TMEM187: variants seen among roughly 807,000 people sequenced by gnomAD.
The protein encoded by TMEM187 is chromosome X open reading frame 12.
Under a neutral mutation model 11.8 loss-of-function variants are expected in TMEM187, and 14 were observed. The observed-to-expected ratio is 1.18, with a 90% confidence interval of 0.78 to 1.85. The LOEUF (loss-of-function observed/expected upper bound fraction) is 1.85, where lower values mean the gene tolerates loss of function less well. Among genes scored for constraint, TMEM187 ranks in the 40% most tolerant of loss-of-function variants. The pLI is 0.00. For synonymous variants in TMEM187, 112 were observed against 118.5 expected (o/e 0.95, Z 0.36); for missense variants, 227 against 243.9 (o/e 0.93, Z 0.46).
intron 1 of TMEM187, among the ~76,000 whole-genome samples, chrX:153,978,594 TG>T (rs1360732828): frequency 6.2e-5 from 5 of 80,737 alleles, no homozygotes; most frequent in Admixed American, 1.3e-4. Context: ...TTTTTTTTTT[TG>T]GGGGGGAGAG....
At chrX:153,981,025 G>C (rs1206886062) in intron 1 of TMEM187, 1 of 109,546 alleles carries the variant, frequency 9.1e-6, no homozygotes, top group East Asian at 2.9e-4. Flanking sequence ...GGCATCAGCT[G>C]ACCAGGAACT....
rs368873402 is a variant in TMEM187 at position 153,982,874 on chromosome X, C to G, written c.*26C>G. 2 of 1,209,961 alleles carry G rather than the reference C, an allele frequency of 1.7e-6. No homozygotes were observed. Among genetic ancestry groups the G allele is most frequent in the African/African-American group, 1.7e-5 (1 of 57,202 alleles). On this transcript the variant is annotated 3_prime_UTR_variant, in exon 2 of 2. Transcript: ENST00000369982. ...ACCCAGGGAAGAACCTGCTGAAAAC[C>G]GATGACCCCCAGCATTGAAATGGAC... is the stretch of plus-strand genomic sequence containing the variant.
rs200493035 is a variant in TMEM187 at position 153,982,298 on chromosome X, G to C, written c.236G>C (p.Gly79Ala). Residue 79 changes from glycine to alanine, a missense_variant, in exon 2 of 2, where the codon GGG (glycine) becomes GCG (alanine). Physicochemically the swap from Gly to Ala is moderately conservative, Grantham distance 60 (BLOSUM62 0). Transcript: ENST00000369982. The part of the protein sequence containing the change: ...LSWLHRGGAM[G>A]LGPRYLKDVF... ...TGGCTGCACAGGGGCGGCGCGATGG[G>C]GCTGGGTCCCCGCTACCTGAAGGAC... 4.4e-5 allele frequency: 53 copies of C among 1,210,508 alleles called. No homozygotes were observed. The highest frequency in any genetic ancestry group is 5.8e-5 in the Non-Finnish European group (52 of 895,410).
intron 1 of TMEM187, among the ~76,000 whole-genome samples, chrX:153,974,778 G>T (rs1257778554): frequency 6.2e-5 from 7 of 112,326 alleles, no homozygotes; most frequent in Non-Finnish European, 1.3e-4. Flanking sequence ...TGTGGTTCCT[G>T]TGTGGCAACA....
intron 1 of TMEM187, among the ~76,000 whole-genome samples, chrX:153,977,420 C>T (rs1384922121): frequency 9.3e-6 from 1 of 107,642 alleles, no homozygotes; most frequent in Non-Finnish European, 1.9e-5. Context: ...TTCAATACCA[C>T]CCCAGCCGAT....
At chrX:153,979,269 C>T (rs2065589613) in intron 1 of TMEM187, among the ~76,000 whole-genome samples, 1 of 109,918 alleles carries the variant, frequency 9.1e-6, no homozygotes, top group African/African-American at 3.3e-5. Context: ...GCCCATAGCT[C>T]ACTGCAGCCT....
At chrX:153,973,033 G>A (rs1393724054) in intron 1 of TMEM187, 173 bp downstream of exon 1, 1 of 113,418 alleles carries the variant, frequency 8.8e-6, no homozygotes, top group Non-Finnish European at 1.9e-5. Context: ...GCAGTCGCCA[G>A]TAGAAATGGA....
chrX:153,974,265 C>T (rs782762924), intron 1 of TMEM187, among the ~76,000 whole-genome samples: 3 of 112,033 alleles, frequency 2.7e-5, no homozygotes, highest in South Asian at 7.5e-4. Context: ...TGTTCCAGCT[C>T]TCCGCCCTGC....
chrX:153,981,766 G>A lies in TMEM187; in HGVS notation c.-213-84G>A, dbSNP rs2065602791. ...GCTTCTCCAGTGAAGATGGTTGGTA[G>A]CTCCTGAGGCCGGGGGTCAGGAACA... is the stretch of plus-strand genomic sequence containing the variant. On this transcript the variant is annotated intron_variant, in intron 1 of 1. Transcript: ENST00000369982. 9.6e-6 allele frequency: 4 copies of A among 416,838 alleles called. No homozygotes were observed. The Admixed American group carries it at 1.7e-4, about 17-fold the overall frequency. 34.4% of individuals were successfully genotyped at this position (416,838 alleles called of 1,213,427 possible).
chrX:153,982,907 T>C lies in TMEM187; in HGVS notation c.*59T>C. 2 of 1,207,811 alleles carry C rather than the reference T, an allele frequency of 1.7e-6. No homozygotes were observed. The highest frequency in any genetic ancestry group is 2.2e-6 in the Non-Finnish European group (2 of 893,353). On this transcript the variant is annotated 3_prime_UTR_variant, in exon 2 of 2. Coordinates refer to ENST00000369982, the MANE Select transcript of TMEM187 (RefSeq NM_003492.3). Reference sequence around the variant, plus strand: ...CCCAGCATTGAAATGGACTCTGAGATGGCAGCGTGGTGCCAGTGTCAGACA... The same window carrying C: ...CCCAGCATTGAAATGGACTCTGAGACGGCAGCGTGGTGCCAGTGTCAGACA...
At chrX:153,977,414 A>G (rs1331939804) in intron 1 of TMEM187, among the ~76,000 whole-genome samples, 1 of 110,584 alleles carries the variant, frequency 9.0e-6, no homozygotes, top group African/African-American at 3.3e-5. Context: ...CAGGAGTTCA[A>G]TACCACCCCA....
intron 1 of TMEM187, among the ~76,000 whole-genome samples, chrX:153,973,704 CACACACAA>C (rs1557121062): frequency 8.9e-6 from 1 of 112,301 alleles, no homozygotes. Context: ...CACACACACA[CACACACAA>C]AAGCAGCTGC....
intron 1 of TMEM187, among the ~76,000 whole-genome samples, 200 bp from the exon 2 acceptor site, chrX:153,981,650 G>A (rs781987268): frequency 2.7e-5 from 3 of 112,019 alleles, no homozygotes; most frequent in African/African-American, 9.7e-5. Flanking sequence ...CTAGGACGAT[G>A]GGCAGGATTT....
intron 1 of TMEM187, among the ~76,000 whole-genome samples, chrX:153,976,892 G>C (rs1223996998): frequency 2.7e-5 from 3 of 112,419 alleles, no homozygotes; most frequent in Non-Finnish European, 3.8e-5. Flanking sequence ...GATAAATCTT[G>C]TTATTTGTGG....
In TMEM187 at chrX:153,982,323, C is replaced by T. The variant is rs1254876869; in HGVS notation, c.261C>T (p.Asp87=). 8 of 1,209,087 alleles carry T rather than the reference C, an allele frequency of 6.6e-6. No individual in the cohort carries two copies. The highest frequency in any genetic ancestry group is 5.2e-5 in the African/African-American group (3 of 57,758). The change falls in exon 2 of 2, where the codon GAC becomes GAT. Residue 87 remains aspartate (D), a synonymous_variant. Coordinates refer to ENST00000369982, the MANE Select transcript of TMEM187 (RefSeq NM_003492.3). ...GGCTGGGTCCCCGCTACCTGAAGGA[C>T]GTGTTCGCAGCCATGGCCCTGCTCT... ...AMGLGPRYLK[D]VFAAMALLYG...
At chrX:153,979,522 A>G (rs1314180534) in intron 1 of TMEM187, among the ~76,000 whole-genome samples, 1 of 109,664 alleles carries the variant, frequency 9.1e-6, no homozygotes, top group African/African-American at 3.3e-5. Flanking sequence ...GCCCAGCTAC[A>G]TATGCTTTTT....
At chrX:153,974,711 C>T (rs1557121208) in intron 1 of TMEM187, among the ~76,000 whole-genome samples, 5 of 112,010 alleles carry the variant, frequency 4.5e-5, no homozygotes, top group Non-Finnish European at 9.4e-5. Flanking sequence ...TTCGGGTGCC[C>T]CATGCTGAGA....
rs371655537 is a variant in TMEM187 at position 153,978,594 on chromosome X, T to G, written c.-213-3256T>G. On this transcript the variant is annotated intron_variant, in intron 1 of 1. Coordinates refer to ENST00000369982, the MANE Select transcript of TMEM187 (RefSeq NM_003492.3). ...CTTTTTTTTTTTTTTTTTTTTTTTTTGGGGGGGAGAGGGAGTTTCGCTCTT... is the reference window on the plus strand; with the variant it reads ...CTTTTTTTTTTTTTTTTTTTTTTTTGGGGGGGGAGAGGGAGTTTCGCTCTT... Among the ~76,000 whole-genome samples, 121 of 80,732 alleles carry G rather than the reference T, an allele frequency of 1.5e-3. 1 individual carries two copies. Among genetic ancestry groups the G allele is most frequent in the African/African-American group, 4.0e-3 (70 of 17,708 alleles). The allele number at this position is 80,732 out of a possible 115,157, so 70.1% of individuals were successfully genotyped here.
intron 1 of TMEM187, among the ~76,000 whole-genome samples, chrX:153,973,452 G>A (rs1280340542): frequency 2.7e-5 from 3 of 112,341 alleles, no homozygotes; most frequent in Non-Finnish European, 3.8e-5. Flanking sequence ...GGCCTGATGC[G>A]TTGGCTCATG....
Sources: gnomAD v4.1 joint callset for allele counts (sites outside exome capture counted in the v4.1 genomes callset) on GRCh38, gnomAD v4.1.1 for gene constraint, MANE v1.5 for transcripts, NCBI Gene and HGNC (gene_info 2026-07-23, HGNC 2026-07-21) for gene names.